GRK7: variants seen among roughly 807,000 people sequenced by gnomAD.
GRK7 encodes rhodopsin kinase GRK7.
A neutral mutation model predicts 34.1 loss-of-function variants in GRK7; 24 were observed. The ratio of observed to expected loss-of-function variants is 0.70; its 90% CI spans 0.51 to 0.99. The LOEUF is 0.99. GRK7 is among the 50% of genes least tolerant of loss of function. GRK7 has a pLI of 0.00. For missense variants in GRK7, 644 were observed against 707.3 expected (o/e 0.91, Z 1.02); for synonymous variants, 256 against 279.4 (o/e 0.92, Z 0.84).
intron 4 of GRK7, among the ~76,000 whole-genome samples, chr3:141,785,463 A>G (rs193209648): frequency 6.6e-6 from 1 of 152,084 alleles, no homozygotes; most frequent in Non-Finnish European, 1.5e-5. Flanking sequence ...TCTTAAAAAA[A>G]ATTTTTTTGT....
intron 4 of GRK7, among the ~76,000 whole-genome samples, chr3:141,791,230 C>T (rs956443040): frequency 1.5e-4 from 23 of 152,092 alleles, no homozygotes; most frequent in Middle Eastern, 3.2e-3. Flanking sequence ...ATATTTATTT[C>T]GAAGCATCTA....
intron 5 of GRK7, among the ~76,000 whole-genome samples, chr3:141,815,856 CA>C (rs1003059462): frequency 2.0e-5 from 3 of 152,080 alleles, no homozygotes; most frequent in Admixed American, 2.0e-4. Flanking sequence ...CCCCCAGCCT[CA>C]GCTGAGCCTT....
chr3:141,800,393 A>G (rs1004516659), intron 4 of GRK7, among the ~76,000 whole-genome samples: 4 of 151,626 alleles, frequency 2.6e-5, no homozygotes, highest in African/African-American at 9.6e-5. Context: ...AAAAAAAAAA[A>G]AAAAAAAAAA....
At chr3:141,779,354 T>TGCAG (rs2084658952) in intron 3 of GRK7, among the ~76,000 whole-genome samples, 1 of 140,224 alleles carries the variant, frequency 7.1e-6, no homozygotes, top group South Asian at 2.2e-4. Context: ...AGGTGGAGGT[T>TGCAG]GCAGTGAGCC....
At chr3:141,806,563 A>AC (rs1437415388) in intron 4 of GRK7, among the ~76,000 whole-genome samples, 1 of 150,890 alleles carries the variant, frequency 6.6e-6, no homozygotes, top group East Asian at 1.9e-4. Context: ...ACTCCATCTC[A>AC]AAAATATATA....
chr3:141,811,755 T>G (rs1711094780), intron 5 of GRK7, among the ~76,000 whole-genome samples: 1 of 152,220 alleles, frequency 6.6e-6, no homozygotes, highest in Admixed American at 6.5e-5. Flanking sequence ...CTCGACAGCA[T>G]GTTACACAGC....
At position 141,778,818 on chromosome 3, in the gene GRK7, G is replaced by A. The variant is rs576789062; in HGVS notation, c.534G>A (p.Trp178Ter). Residue 178 changes from tryptophan to a stop codon, truncating the protein, a stop_gained, in exon 3 of 6, where the codon TGG becomes TGA. Transcript: ENST00000682958. LOFTEE classifies it high-confidence loss of function. The surrounding 1 kb of genome is among the most constrained non-coding windows in gnomAD (Gnocchi z 4.1). ...TSAFYDKFLQ[W>*]KLFEMQPVSD... Reference sequence around the variant, plus strand: ...CCTTCTACGACAAGTTTCTGCAGTGGAAACTCTTCGAGATGCAACCAGTGT... The same window carrying A: ...CCTTCTACGACAAGTTTCTGCAGTGAAAACTCTTCGAGATGCAACCAGTGT... 2.5e-6 allele frequency: 4 copies of A among 1,611,260 alleles called. No homozygotes were observed. Among genetic ancestry groups the A allele is most frequent in the Non-Finnish European group, 3.4e-6 (4 of 1,178,832 alleles).
chr3:141,807,788 C>T lies in GRK7; in HGVS notation c.1194C>T (p.Val398=), dbSNP rs1189673552. The T allele has an allele frequency of 6.2e-7, 1 of 1,614,144 alleles. No homozygotes were observed. The highest frequency in any genetic ancestry group is 2.2e-5 in the East Asian group (1 of 44,884). The stretch of plus-strand genomic sequence containing the variant: ...CATTCAAAGATTACAAGGAAAAGGT[C>T]AGTAAAGAGGATCTGAAGCAAAGAA... ...RTPFKDYKEK[V]SKEDLKQRTL... is the part of the protein sequence containing the mutation. Residue 398 remains valine (V), a synonymous_variant, in exon 5 of 6, where the codon GTC becomes GTT. Transcript: ENST00000682958.
intron 1 of GRK7, among the ~76,000 whole-genome samples, chr3:141,772,823 A>G (rs2084622544): frequency 6.6e-6 from 1 of 152,188 alleles, no homozygotes; most frequent in East Asian, 1.9e-4. Context: ...TCAAAATGAA[A>G]CATCCCTTAA....
chr3:141,804,006 G>A (rs1710998450), intron 4 of GRK7, among the ~76,000 whole-genome samples: 1 of 152,136 alleles, frequency 6.6e-6, no homozygotes, highest in African/African-American at 2.4e-5. Flanking sequence ...ACCACTGCCG[G>A]CTAGTACTTC....
chr3:141,755,987 A>T, the GRK7 span, among the ~76,000 whole-genome samples: 1 of 149,096 alleles, frequency 6.7e-6, no homozygotes, highest in South Asian at 2.1e-4. Context: ...TATTCATAGA[A>T]TGGAACACTA....
At chr3:141,762,373 C>T (rs1031363252), upstream of GRK7, among the ~76,000 whole-genome samples, 15 of 145,324 alleles carry the variant, frequency 1.0e-4, no homozygotes, top group East Asian at 4.1e-4. Flanking sequence ...AATACCCTGC[C>T]GTGTGAGGTG....
intron 5 of GRK7, among the ~76,000 whole-genome samples, chr3:141,811,621 C>T (rs146106559): frequency 0.01 from 1,581 of 151,870 alleles, 41 homozygotes; most frequent in East Asian, 0.046. Flanking sequence ...TTTTTTCTTA[C>T]GGCCTCTATA....
the GRK7 span, among the ~76,000 whole-genome samples, chr3:141,756,317 GAA>G: frequency 5.0e-5 from 6 of 120,090 alleles, no homozygotes; most frequent in South Asian, 2.4e-4. Context: ...ATCTCAAAAA[GAA>G]AAAAAAAGGT....
In GRK7 at chr3:141,780,585, A is replaced by G. The variant is rs1240033467; in HGVS notation, c.824A>G (p.Asp275Gly). Reference sequence around the variant, plus strand: ...GTCATGAGCCTGATGAATGGGGGAGACCTCAAGTTCCACATCTACAACGTG... The same window carrying G: ...GTCATGAGCCTGATGAATGGGGGAGGCCTCAAGTTCCACATCTACAACGTG... ...CLVMSLMNGG[D>G]LKFHIYNVGT... Residue 275 changes from aspartate to glycine, a missense_variant, in exon 4 of 6, where the codon GAC becomes GGC. Asp to Gly is a moderately conservative substitution (Grantham distance 94, BLOSUM62 -1). Transcript: ENST00000682958. 3.1e-6 allele frequency: 5 copies of G among 1,613,988 alleles called. No homozygotes were observed. Among genetic ancestry groups the G allele is most frequent in the Non-Finnish European group, 4.2e-6 (5 of 1,180,024 alleles).
intron 2 of GRK7, among the ~76,000 whole-genome samples, chr3:141,775,353 C>T (rs1203092649): frequency 6.6e-6 from 1 of 151,928 alleles, no homozygotes; most frequent in Admixed American, 6.6e-5. Flanking sequence ...CGCCACTGCA[C>T]CCTAGCCTGG....
chr3:141,766,741 T>A (rs2084583391), intron 1 of GRK7, among the ~76,000 whole-genome samples: 1 of 152,274 alleles, frequency 6.6e-6, no homozygotes, highest in Non-Finnish European at 1.5e-5. Flanking sequence ...TTTCTTTTGC[T>A]TTTTGTTTGC....
rs1015836495 is a variant in GRK7, at chr3:141,795,489, T to A, written c.1051-12156T>A. Among the ~76,000 whole-genome samples, 8 of 152,298 alleles carry A rather than the reference T, an allele frequency of 5.3e-5. No homozygotes were observed. The South Asian group carries it at 1.7e-3, about 32-fold the overall frequency. ...AGAGTGGCTTTGCAGCTGGCTGCAG[T>A]GTGGAGTCATGAGGTGGGAGGGGTG... On this transcript the variant is annotated intron_variant, in intron 4 of 5. Transcript: ENST00000682958.
At chr3:141,811,302 G>A (rs1270716424) in intron 5 of GRK7, among the ~76,000 whole-genome samples, 2 of 151,522 alleles carry the variant, frequency 1.3e-5, no homozygotes, top group Non-Finnish European at 2.9e-5. Context: ...TGGGCAATAA[G>A]AGCAAAACTC....
Sources: gnomAD v4.1 joint callset for allele counts (sites outside exome capture counted in the v4.1 genomes callset) on GRCh38, gnomAD v4.1.1 for gene constraint, Gnocchi (gnomAD v3.1) non-coding constraint, MANE v1.5 for transcripts, NCBI Gene and HGNC (gene_info 2026-07-23, HGNC 2026-07-21) for gene names.